Variants in USP9X observed in about 807,000 individuals in gnomAD.
The protein encoded by USP9X is ubiquitin carboxyl-terminal hydrolase 9X.
Under a neutral mutation model 190.3 loss-of-function variants are expected in USP9X, and 7 were observed. The ratio of observed to expected loss-of-function variants is 0.04; its 90% CI spans 0.02 to 0.07. USP9X has a LOEUF of 0.07. Ranked by LOEUF, USP9X falls within the 10% of genes least tolerant of loss-of-function variation. The pLI, the probability that USP9X is intolerant of heterozygous loss-of-function variation, is 1.00. For synonymous variants in USP9X, 645 were observed against 659.5 expected, an observed-to-expected ratio of 0.98 and a Z score of 0.34; for missense variants, 1,010 against 1,916.9, an observed-to-expected ratio of 0.53 and a Z score of 8.83.
At chrX:41,210,757 C>G (rs959936503) in intron 33 of USP9X, 75 bp downstream of exon 33, 1 of 978,751 alleles carries the variant, frequency 1.0e-6, no homozygotes, top group East Asian at 3.2e-5. Flanking sequence ...TTTACTAGTA[C>G]TTACATACAA....
intron 21 of USP9X, among the ~76,000 whole-genome samples, chrX:41,172,195 T>C (rs747054386): frequency 8.1e-5 from 9 of 111,656 alleles, no homozygotes; most frequent in Non-Finnish European, 1.3e-4. Flanking sequence ...ATGAAAATTA[T>C]ATGAAGTTTA....
At chrX:41,180,245 C>T (rs1178558934) in intron 21 of USP9X, among the ~76,000 whole-genome samples, 1 of 112,487 alleles carries the variant, frequency 8.9e-6, no homozygotes, top group Non-Finnish European at 1.9e-5. Flanking sequence ...TCTGTTACAT[C>T]GTTTAGAATT....
chrX:41,161,329 C>CT (rs1158519140), intron 14 of USP9X, among the ~76,000 whole-genome samples: 623 of 32,448 alleles, frequency 0.019, 174 homozygotes, highest in Non-Finnish European at 0.024. Flanking sequence ...GAATTCTTGC[C>CT]TTTTTTTTTT....
chrX:41,223,438 G>A, intron 39 of USP9X, 36 bp downstream of exon 39: 1 of 1,154,632 alleles, frequency 8.7e-7, no homozygotes, highest in Non-Finnish European at 1.2e-6. Context: ...CACTAGTTTT[G>A]TTTGTTTGTT....
At position 41,214,646 on chromosome X, in the gene USP9X, G is replaced by C. The variant is rs746134449; in HGVS notation, c.5268G>C (p.Gln1756His). Residue 1756 changes from glutamine (Q) to histidine (H), a missense_variant, in exon 34 of 45, where the codon CAG becomes CAC. Physicochemically the swap from Gln to His is conservative, Grantham distance 24. Around this residue, in one of 11 missense-constraint regions of USP9X, gnomAD observed 120 missense variants for 342.7 expected, o/e 0.35. Coordinates refer to ENST00000378308, the MANE Select transcript of USP9X (RefSeq NM_001039591.3). Reference sequence around the variant, plus strand: ...AAAATCTTCTTGATTCTTTGGAACAGTATGTCAAAGGAGATTTACTAGAAG... The same window carrying C: ...AAAATCTTCTTGATTCTTTGGAACACTATGTCAAAGGAGATTTACTAGAAG... ...NHQNLLDSLE[Q>H]YVKGDLLEGA... The C allele has an allele frequency of 6.7e-6, 8 of 1,200,193 alleles. No individual in the cohort carries two copies. The highest frequency in any genetic ancestry group is 9.0e-6 in the Non-Finnish European group (8 of 890,904).
intron 15 of USP9X, among the ~76,000 whole-genome samples, chrX:41,163,531 G>A (rs1292078065): frequency 9.1e-6 from 1 of 110,178 alleles, no homozygotes. Context: ...GCAAGTGGAT[G>A]GTTTGAGCCC....
rs1361298317 is a variant in USP9X at position 41,189,390 on chromosome X, T to C, written c.3892T>C (p.Leu1298=). Residue 1298 remains leucine, a synonymous_variant, in exon 26 of 45, where the codon TTG becomes CTG. Transcript: ENST00000378308. The part of the protein sequence containing the change: ...ALEVMTLCFA[L]IPTALDALSK... The stretch of plus-strand genomic sequence containing the variant: ...GGAAGTGATGACCTTATGTTTTGCC[T>C]TGATTCCAACAGCCTTAGATGCTCT... The C allele has an allele frequency of 4.1e-6, 5 of 1,210,367 alleles. No individual in the cohort carries two copies. Among genetic ancestry groups the C allele is most frequent in the South Asian group, 3.5e-5 (2 of 56,872 alleles).
chrX:41,133,091 G>A (rs965714548), intron 4 of USP9X, among the ~76,000 whole-genome samples: 7 of 111,977 alleles, frequency 6.3e-5, no homozygotes, highest in Non-Finnish European at 1.1e-4. Flanking sequence ...AATTGAAACT[G>A]ATTATTGTCA....
rs1176200100 is a variant in USP9X at position 41,125,718 on chromosome X, T to TCTCGCGCG, written c.96+1995_96+1996insTCGCGCGC. Among the ~76,000 whole-genome samples the TCTCGCGCG allele has an allele frequency of 9.0e-4, 89 of 99,171 alleles. 1 individual carries two copies. The highest frequency in any genetic ancestry group is 3.4e-3 in the African/African-American group (83 of 24,511). The allele number at this position is 99,171 out of a possible 115,157, so 86.1% of individuals were successfully genotyped here. On this transcript the variant is annotated intron_variant, in intron 2 of 44. Transcript: ENST00000378308. ...CTCTCTCTCTCTCTCTCTCTCTCTC[T>TCTCGCGCG]CGCGCACGCGCGCGCGCTCTCTCTC...
Position 41,216,307 on chromosome X carries a change from G to A in USP9X, c.5740G>A (p.Glu1914Lys), listed in dbSNP as rs1489401630. The part of the protein sequence containing the change: ...DVTECKMDDD[E>K]EMKNQCFGGE... ...AACAGAATGTAAAATGGATGATGAC[G>A]AAGAAATGAAAAACCAGTGTTTTGG... The change falls in exon 35 of 45, where the codon GAA becomes AAA. Residue 1914 changes from glutamate (E) to lysine (K), a missense_variant. Physicochemically the swap from Glu to Lys is moderately conservative, Grantham distance 56. Around this residue, in one of 11 missense-constraint regions of USP9X, gnomAD observed 120 missense variants for 342.7 expected, o/e 0.35. Coordinates refer to ENST00000378308, the MANE Select transcript of USP9X (RefSeq NM_001039591.3). 1 of 1,210,033 alleles carries A rather than the reference G, an allele frequency of 8.3e-7. No homozygotes were observed. The highest frequency in any genetic ancestry group is 1.1e-6 in the Non-Finnish European group (1 of 895,305).
chrX:41,132,091 T>C (rs1255833933), intron 4 of USP9X, among the ~76,000 whole-genome samples: 2 of 110,953 alleles, frequency 1.8e-5, no homozygotes, highest in African/African-American at 6.6e-5. Flanking sequence ...ATCCTTCAGG[T>C]AAAAATTACC....
At chrX:41,150,631 C>T (rs1175195103) in intron 12 of USP9X, among the ~76,000 whole-genome samples, 1 of 111,419 alleles carries the variant, frequency 9.0e-6, no homozygotes, top group Non-Finnish European at 1.9e-5. Flanking sequence ...AACTTTCTGT[C>T]AGTGTGCCTA....
chrX:41,085,830 C>T lies in USP9X; in HGVS notation c.-438C>T, dbSNP rs1033838140. On this transcript the variant is annotated 5_prime_UTR_variant, in exon 1 of 45. Coordinates refer to ENST00000378308, the MANE Select transcript of USP9X (RefSeq NM_001039591.3). ...GCCCGTCTGAGCTCAGCGAGAGCCC[C>T]AGCCTGAGGGGAGAAGGGGAAGAGG... is the stretch of plus-strand genomic sequence containing the variant. 1.7e-5 allele frequency: 5 copies of T among 297,249 alleles called. No individual in the cohort carries two copies. Among genetic ancestry groups the T allele is most frequent in the Admixed American group, 6.1e-5 (1 of 16,440 alleles). The allele number at this position is 297,249 out of a possible 1,213,427, so 24.5% of individuals were successfully genotyped here.
chrX:41,125,682 A>ACC (rs1477045514), intron 2 of USP9X, among the ~76,000 whole-genome samples: 5 of 22,856 alleles, frequency 2.2e-4, no homozygotes, highest in Non-Finnish European at 4.2e-4. Flanking sequence ...ACACACACAC[A>ACC]CACTCTCTCT....
intron 31 of USP9X, among the ~76,000 whole-genome samples, chrX:41,202,993 A>G (rs1602028981): frequency 9.0e-6 from 1 of 111,335 alleles, no homozygotes; most frequent in Admixed American, 9.6e-5. Context: ...TCCCTAGAGT[A>G]TAAGTTTCTC....
chrX:41,232,462 C>G lies in USP9X; in HGVS notation c.7603C>G (p.Arg2535Gly). ...GAACAACCCTCAGAGAACTGGCCAA[C>G]GAGCACAAGAAAATTATGAAGGCAG... ...HMNNPQRTGQ[R>G]AQENYEGSEE... Residue 2535 changes from arginine (R) to glycine (G), a missense_variant, in exon 45 of 45, where the codon CGA becomes GGA. Coordinates refer to ENST00000378308, the MANE Select transcript of USP9X (RefSeq NM_001039591.3). 1 of 1,211,160 alleles carries G rather than the reference C, an allele frequency of 8.3e-7. No homozygotes were observed. Among genetic ancestry groups the G allele is most frequent in the Non-Finnish European group, 1.1e-6 (1 of 895,235 alleles).
At chrX:41,101,691 T>A (rs5918111) in intron 1 of USP9X, among the ~76,000 whole-genome samples, 23,419 of 110,691 alleles carry the variant, frequency 0.21, 2,281 homozygotes, top group Non-Finnish European at 0.3. Flanking sequence ...TTAAAAAAAA[T>A]AAATAAATAA....
intron 12 of USP9X, among the ~76,000 whole-genome samples, chrX:41,149,750 C>T (rs1395797645): frequency 1.8e-5 from 2 of 109,578 alleles, no homozygotes; most frequent in Non-Finnish European, 3.8e-5. Flanking sequence ...GTCGCCCAGG[C>T]TGGAGTACAG....
At chrX:41,214,476 T>TAA in intron 33 of USP9X, 92 bp from the exon 34 acceptor site, 2 of 803,156 alleles carry the variant, frequency 2.5e-6, no homozygotes, top group Non-Finnish European at 1.7e-6. Context: ...AAGTATAATT[T>TAA]AAAAAAAAAA....
Sources: allele counts gnomAD v4.1 joint callset (sites outside exome capture counted in the v4.1 genomes callset), GRCh38; gene constraint gnomAD v4.1.1; regional missense constraint gnomAD v4.1.1; transcripts MANE v1.5; gene names NCBI Gene and HGNC (gene_info 2026-07-23, HGNC 2026-07-21).